The following ACSBG1 variants were observed in gnomAD, a reference collection of about 807,000 sequenced individuals.
ACSBG1 encodes the protein acyl-CoA synthetase bubblegum family member 1.
A neutral mutation model predicts 80.2 loss-of-function variants in ACSBG1; 39 were observed. That is an observed-to-expected ratio of 0.49 (90% CI 0.38 to 0.64). ACSBG1 has a LOEUF of 0.64. Ranked by LOEUF, ACSBG1 falls within the 30% of genes least tolerant of loss-of-function variation. The probability of loss-of-function intolerance (pLI) is 0.00; values close to 1 mark genes in which losing one functional copy is unlikely to be tolerated. For missense variants in ACSBG1, 828 were observed against 966.4 expected (o/e 0.86, Z 1.90); for synonymous variants, 392 against 379.5 (o/e 1.03, Z -0.38).
rs200891473 is a variant in ACSBG1 at position 78,182,603 on chromosome 15, T to A, written c.757A>T (p.Met253Leu). 1.4e-5 allele frequency: 23 copies of A among 1,614,038 alleles called. No individual in the cohort carries two copies. In the Admixed American group the frequency reaches 3.5e-4, roughly 25 times the overall value. The change falls in exon 7 of 14, where the codon ATG becomes TTG. Residue 253 changes from methionine (M) to leucine (L), a missense_variant. Met to Leu is a conservative substitution (Grantham distance 15). Transcript: ENST00000258873. ...MANVYTMEEF[M>L]ELGNEVPEEA... ...TCAGGCACTTCATTCCCCAGCTCCA[T>A]GAATTCCTCCATCTGTAGCCAGATG...
In ACSBG1 at chr15:78,172,295, G is replaced by GAATA. The variant is rs1159976930; in HGVS notation, c.2090-767_2090-766insTATT. On this transcript the variant is annotated intron_variant, in intron 13 of 13. Coordinates refer to ENST00000258873, the MANE Select transcript of ACSBG1 (RefSeq NM_015162.5). This position sits in a 1 kb window ranked among gnomAD's most constrained non-coding sequence, Gnocchi z 4.1. ...TTGGGGTCATTTGTTACACAGCAATGTATTAGATAGCTAGTACACATCATC... is the reference window on the plus strand; with the variant it reads ...TTGGGGTCATTTGTTACACAGCAATGAATATATTAGATAGCTAGTACACATCATC... Among the ~76,000 whole-genome samples the GAATA allele has an allele frequency of 1.3e-5, 2 of 152,338 alleles. No individual in the cohort carries two copies. Among genetic ancestry groups the GAATA allele is most frequent in the Non-Finnish European group, 2.9e-5 (2 of 68,042 alleles).
At chr15:78,207,928 A>ACCC in intron 2 of ACSBG1, 74 bp downstream of exon 2, 2 of 383,784 alleles carry the variant, frequency 5.2e-6, no homozygotes, top group African/African-American at 2.5e-5. Flanking sequence ...CCCCCACACC[A>ACCC]CCCACCCCTC....
intron 8 of ACSBG1, among the ~76,000 whole-genome samples, chr15:78,181,560 C>T (rs1168897531): frequency 7.7e-6 from 1 of 130,496 alleles, no homozygotes; most frequent in Non-Finnish European, 1.5e-5. Flanking sequence ...GTGGCGTGAT[C>T]TCGGCTCACT....
Position 78,171,174 on chromosome 15 carries a change from C to T in ACSBG1, c.*270G>A, listed in dbSNP as rs1456202399. 4.1e-5 allele frequency: 12 copies of T among 289,970 alleles called. No individual in the cohort carries two copies. Among genetic ancestry groups the T allele is most frequent in the African/African-American group, 8.7e-5 (4 of 46,092 alleles). 18.0% of individuals were successfully genotyped at this position (289,970 alleles called of 1,614,324 possible). A position where few individuals can be genotyped will look rare whatever the true frequency, so the allele number is the denominator to read the frequency against. On this transcript the variant is annotated 3_prime_UTR_variant, in exon 14 of 14. Coordinates refer to ENST00000258873, the MANE Select transcript of ACSBG1 (RefSeq NM_015162.5). Reference sequence around the variant, plus strand: ...TAAGGCCAAAAATTATCAGCCCTTTCGTTCTGGAAGGAGAGCTGATCTCAT... The same window carrying T: ...TAAGGCCAAAAATTATCAGCCCTTTTGTTCTGGAAGGAGAGCTGATCTCAT...
intron 1 of ACSBG1, among the ~76,000 whole-genome samples, chr15:78,219,298 C>A (rs550841118): frequency 6.6e-6 from 1 of 151,318 alleles, no homozygotes. Context: ...ATCCCAGCTA[C>A]TTGGGAGGCT....
At chr15:78,206,146 G>C (rs918882685) in intron 2 of ACSBG1, among the ~76,000 whole-genome samples, 2 of 152,170 alleles carry the variant, frequency 1.3e-5, no homozygotes, top group African/African-American at 4.8e-5. Flanking sequence ...GGGTCCCTCG[G>C]TGGCCTCCGC....
At chr15:78,193,004 C>T (rs946826773) in intron 5 of ACSBG1, among the ~76,000 whole-genome samples, 3 of 152,138 alleles carry the variant, frequency 2.0e-5, no homozygotes, top group South Asian at 2.1e-4. Context: ...GAAAAGCCCC[C>T]GCTGGCTCTA....
chr15:78,179,328 C>T (rs529371674), intron 10 of ACSBG1, among the ~76,000 whole-genome samples: 34 of 152,310 alleles, frequency 2.2e-4, no homozygotes, highest in Admixed American at 1.0e-3. Context: ...CACAGACTCA[C>T]GACACGGTGG....
At chr15:78,185,054 A>AGAGG (rs1555431653) in intron 5 of ACSBG1, among the ~76,000 whole-genome samples, 6 of 5,464 alleles carry the variant, frequency 1.1e-3, no homozygotes, top group African/African-American at 4.1e-3. Flanking sequence ...GAGGGGAGGG[A>AGAGG]GAGAGAGAGA....
At chr15:78,185,495 G>GA (rs374193436) in intron 5 of ACSBG1, among the ~76,000 whole-genome samples, 19 of 147,978 alleles carry the variant, frequency 1.3e-4, no homozygotes, top group South Asian at 2.1e-4. Context: ...AGTTCAGAAA[G>GA]AAAAAAAAAT....
chr15:78,190,749 T>C (rs964146175), intron 5 of ACSBG1, among the ~76,000 whole-genome samples: 1 of 151,982 alleles, frequency 6.6e-6, no homozygotes, highest in Non-Finnish European at 1.5e-5. Context: ...ACTGGTATCT[T>C]GGAGAGTACA....
At chr15:78,208,872 A>G (rs2075242456) in intron 1 of ACSBG1, among the ~76,000 whole-genome samples, 1 of 152,196 alleles carries the variant, frequency 6.6e-6, no homozygotes, top group African/African-American at 2.4e-5. Context: ...TTTTCCTCAG[A>G]GTTCACCTGG....
In ACSBG1 at chr15:78,182,570, G is replaced by A. The variant is rs150115123; in HGVS notation, c.790C>T (p.Leu264=). Residue 264 remains leucine (L), a synonymous_variant, in exon 7 of 14, where the codon CTG becomes TTG. Transcript: ENST00000258873. The stretch of plus-strand genomic sequence containing the variant: ...TGCTGGGTGTCAATGATGGCGTCCA[G>A]GGCTTCCTCAGGCACTTCATTCCCC... The part of the protein sequence containing the change: ...ELGNEVPEEA[L]DAIIDTQQPN... 409 of 1,614,024 alleles carry A rather than the reference G, an allele frequency of 2.5e-4. 2 individuals carry two copies. The highest frequency in any genetic ancestry group is 4.7e-5 in the Non-Finnish European group (55 of 1,180,012).
intron 5 of ACSBG1, among the ~76,000 whole-genome samples, chr15:78,191,615 C>T (rs1168014490): frequency 1.3e-5 from 2 of 152,186 alleles, no homozygotes; most frequent in Non-Finnish European, 2.9e-5. Flanking sequence ...AGAAATTCAA[C>T]ATTTTGCTAC....
chr15:78,215,731 A>AAAGAAAGAAAGGAAGG, intron 1 of ACSBG1, among the ~76,000 whole-genome samples: 1 of 98,024 alleles, frequency 1.0e-5, no homozygotes, highest in Non-Finnish European at 2.3e-5. Flanking sequence ...AAAGAGAAAG[A>AAAGAAAGAAAGGAAGG]AAGAAAGAAA....
intron 1 of ACSBG1, among the ~76,000 whole-genome samples, chr15:78,231,720 G>C (rs1184092480): frequency 6.6e-6 from 1 of 152,084 alleles, no homozygotes; most frequent in Non-Finnish European, 1.5e-5. Context: ...TCCTGAGTAG[G>C]TGGGACTACA....
chr15:78,209,028 G>A (rs536656536), intron 1 of ACSBG1: 2 of 409,152 alleles, frequency 4.9e-6, no homozygotes, highest in South Asian at 1.7e-5. Context: ...CATGCAACCT[G>A]TGCAGCTGGT....
intron 2 of ACSBG1, among the ~76,000 whole-genome samples, chr15:78,200,445 G>C (rs2075156944): frequency 6.6e-6 from 1 of 152,172 alleles, no homozygotes; most frequent in Non-Finnish European, 1.5e-5. Flanking sequence ...TGGTGGGAAG[G>C]AGGCTGCCCC....
rs143166464 is a variant in ACSBG1, at chr15:78,180,914, C to T, written c.1094G>A (p.Arg365Gln). 24 of 1,614,114 alleles carry T rather than the reference C, an allele frequency of 1.5e-5. No homozygotes were observed. Among genetic ancestry groups the T allele is most frequent in the Middle Eastern group, 3.3e-4 (2 of 6,060 alleles). Residue 365 changes from arginine to glutamine, a missense_variant, in exon 9 of 14, where the codon CGG becomes CAG. Around this residue, in one of 3 missense-constraint regions of ACSBG1, gnomAD observed 271 missense variants for 375.9 expected, o/e 0.72. Transcript: ENST00000258873. ...ALKGSLVNTL[R>Q]EVEPTSHMGV... ...CATGTGTGATGTGGGCTCCACCTCC[C>T]GCAGCGTGTTCACCAGGCTCCCCTG...
Sources: gnomAD v4.1 joint callset for allele counts (sites outside exome capture counted in the v4.1 genomes callset) on GRCh38, gnomAD v4.1.1 for gene constraint, gnomAD v4.1.1 regional missense constraint, Gnocchi (gnomAD v3.1) non-coding constraint, MANE v1.5 for transcripts, NCBI Gene and HGNC (gene_info 2026-07-23, HGNC 2026-07-21) for gene names.